MCF2L2: variants seen among roughly 807,000 people sequenced by gnomAD.
The protein encoded by MCF2L2 is MCF.2 cell line derived transforming sequence-like 2.
A neutral mutation model predicts 150.2 loss-of-function variants in MCF2L2; 102 were observed. The ratio of observed to expected loss-of-function variants is 0.68; its 90% CI spans 0.58 to 0.80. The LOEUF (loss-of-function observed/expected upper bound fraction) is 0.80, where lower values mean the gene tolerates loss of function less well. Among genes scored for constraint, MCF2L2 ranks in the 30% least tolerant of loss-of-function variants. The pLI is 0.00. For missense variants in MCF2L2, 1,256 were observed against 1,372.8 expected (o/e 0.91, Z 1.34); for synonymous variants, 465 against 491.3 (o/e 0.95, Z 0.71).
chr3:183,210,095 A>C (rs1722639615), intron 22 of MCF2L2, among the ~76,000 whole-genome samples: 2 of 152,214 alleles, frequency 1.3e-5, no homozygotes, highest in African/African-American at 4.8e-5. Flanking sequence ...ATAGAAAATA[A>C]CCGAGGGAAT....
At chr3:183,313,695 G>A (rs9858582) in intron 7 of MCF2L2, among the ~76,000 whole-genome samples, 3,469 of 152,222 alleles carry the variant, frequency 0.023, 124 homozygotes, top group African/African-American at 0.079. Flanking sequence ...TTTACTGCCC[G>A]CACTCAGGCT....
At chr3:183,337,596 G>A (rs902367906) in intron 5 of MCF2L2, among the ~76,000 whole-genome samples, 2 of 150,574 alleles carry the variant, frequency 1.3e-5, no homozygotes, top group African/African-American at 4.9e-5. Flanking sequence ...ACTATCAGCC[G>A]TTTCCATTGT....
intron 3 of MCF2L2, among the ~76,000 whole-genome samples, chr3:183,345,731 AG>A (rs1382709480): frequency 7.2e-5 from 11 of 152,220 alleles, no homozygotes; most frequent in African/African-American, 2.7e-4. Flanking sequence ...AAAGTGATAA[AG>A]GGGGTATCAC....
intron 5 of MCF2L2, among the ~76,000 whole-genome samples, chr3:183,334,512 G>T (rs189299512): frequency 6.6e-6 from 1 of 152,094 alleles, no homozygotes; most frequent in Non-Finnish European, 1.5e-5. Context: ...AAAGGGCCGG[G>T]CATGGTGACT....
chr3:183,205,649 G>A (rs1023514702), intron 25 of MCF2L2, among the ~76,000 whole-genome samples: 56 of 152,070 alleles, frequency 3.7e-4, no homozygotes, highest in Non-Finnish European at 7.1e-4. Flanking sequence ...GTGGTGGGGG[G>A]AACACAACCA....
Position 183,311,029 on chromosome 3 carries a change from C to A in MCF2L2, c.879G>T (p.Arg293Ser). 2 of 1,584,452 alleles carry A rather than the reference C, an allele frequency of 1.3e-6. No individual in the cohort carries two copies. The highest frequency in any genetic ancestry group is 2.2e-5 in the East Asian group (1 of 44,726). The change falls in exon 9 of 30, where the codon AGG becomes AGT. Residue 293 changes from arginine (R) to serine (S), a missense_variant and splice_region_variant. Transcript: ENST00000328913. ...CTGTTTCATCCAGTTGAACTAATAA[C>A]CTTTCAAGAAAGAATGAGAAAGTGA... Reference protein sequence around the residue: ...NQLENVTTMERLLVQLDETEK... With the variant: ...NQLENVTTMESLLVQLDETEK...
chr3:183,300,168 G>C lies in MCF2L2; in HGVS notation c.1142C>G (p.Ala381Gly), dbSNP rs1728765298. Residue 381 changes from alanine to glycine, a missense_variant, in exon 11 of 30, where the codon GCA becomes GGA. By Grantham distance (60) the Ala-to-Gly change is moderately conservative (BLOSUM62 0). Coordinates refer to ENST00000328913, the MANE Select transcript of MCF2L2 (RefSeq NM_015078.4). ...TTGGATGAGCTGGTCCCCAACCAGT[G>C]CCAGCAGCTGGGCCTTTTCCAGGGG... Reference protein sequence around the residue: ...QEPLEKAQLLALVGDQLIQSH... With the variant: ...QEPLEKAQLLGLVGDQLIQSH... 6.2e-7 allele frequency: 1 copy of C among 1,608,596 alleles called. No individual in the cohort carries two copies. Among genetic ancestry groups the C allele is most frequent in the Non-Finnish European group, 8.5e-7 (1 of 1,178,736 alleles).
chr3:183,367,228 T>C (rs1347929519), intron 3 of MCF2L2, among the ~76,000 whole-genome samples: 1 of 135,456 alleles, frequency 7.4e-6, no homozygotes, highest in East Asian at 2.3e-4. Flanking sequence ...TCTTTCTTTC[T>C]TTTTTTTTTT....
chr3:183,179,089 A>G lies in MCF2L2; in HGVS notation c.*291T>C. 8.7e-6 allele frequency: 3 copies of G among 343,602 alleles called. No individual in the cohort carries two copies. The highest frequency in any genetic ancestry group is 1.6e-5 in the Non-Finnish European group (3 of 191,958). The allele number at this position is 343,602 out of a possible 1,614,324, so 21.3% of individuals were successfully genotyped here. A position where few individuals can be genotyped will look rare whatever the true frequency, so the allele number is the denominator to read the frequency against. On this transcript the variant is annotated 3_prime_UTR_variant, in exon 30 of 30. Transcript: ENST00000328913. This position sits in a 1 kb window ranked among gnomAD's most constrained non-coding sequence, Gnocchi z 4.2. Reference sequence around the variant, plus strand: ...GGAGCACAGAGAAGCCCACGCAGCAAAGAATTGCCCGGCTCCGAATATCGA... The same window carrying G: ...GGAGCACAGAGAAGCCCACGCAGCAGAGAATTGCCCGGCTCCGAATATCGA...
Position 183,216,012 on chromosome 3 carries a change from G to C in MCF2L2, c.2453C>G (p.Ser818Cys), listed in dbSNP as rs1295472638. 6.2e-7 allele frequency: 1 copy of C among 1,613,942 alleles called. No individual in the cohort carries two copies. The highest frequency in any genetic ancestry group is 2.2e-5 in the East Asian group (1 of 44,852). ...ALAVIEDLIK[S>C]CELAVDLAAV... ...TGCTAGGTCCACAGCCAACTCACAG[G>C]ACTTGATCAAATCCTCTATCACTGC... The change falls in exon 22 of 30, where the codon TCC (serine) becomes TGC (cysteine). Residue 818 changes from serine (S) to cysteine (C), a missense_variant. Transcript: ENST00000328913.
Position 183,331,246 on chromosome 3 carries a change from C to T in MCF2L2, c.486+7554G>A, listed in dbSNP as rs115555067. On this transcript the variant is annotated intron_variant, in intron 5 of 29. Transcript: ENST00000328913. ...CTGCCTTGCTTTGCCTGCAGAACTC[C>T]AGTAAACGCTCTGTCCTAGACTTTC... Among the ~76,000 whole-genome samples, 1,282 of 152,306 alleles carry T rather than the reference C, an allele frequency of 8.4e-3. 20 individuals carry two copies. Among genetic ancestry groups the T allele is most frequent in the African/African-American group, 0.03 (1,244 of 41,556 alleles).
At chr3:183,307,548 T>C (rs1729156830) in intron 10 of MCF2L2, among the ~76,000 whole-genome samples, 1 of 152,246 alleles carries the variant, frequency 6.6e-6, no homozygotes, top group African/African-American at 2.4e-5. Flanking sequence ...GCTTCAAGAA[T>C]GTTGCCCACG....
At chr3:183,263,831 T>C (rs1206013630) in intron 15 of MCF2L2, among the ~76,000 whole-genome samples, 5 of 152,170 alleles carry the variant, frequency 3.3e-5, no homozygotes, top group Non-Finnish European at 7.3e-5. Context: ...ACTTCTCTTC[T>C]TCCTCCTTTA....
At chr3:183,285,993 C>T (rs1480940572) in intron 14 of MCF2L2, among the ~76,000 whole-genome samples, 1 of 152,246 alleles carries the variant, frequency 6.6e-6, no homozygotes, top group South Asian at 2.1e-4. Flanking sequence ...ACAAGCACAG[C>T]GAATCGCTTC....
intron 15 of MCF2L2, among the ~76,000 whole-genome samples, chr3:183,261,221 T>G (rs1052390371): frequency 6.6e-6 from 1 of 152,188 alleles, no homozygotes; most frequent in African/African-American, 2.4e-5. Context: ...AAATTATAGC[T>G]TTTCCAGTAA....
chr3:183,267,891 C>A lies in MCF2L2; in HGVS notation c.1862+8981G>T, dbSNP rs555326990. ...TTTGAGTAAACAGTGGCTCCACCCCCGGCATGGTTCTTTGCACCAACATTT... is the reference window on the plus strand; with the variant it reads ...TTTGAGTAAACAGTGGCTCCACCCCAGGCATGGTTCTTTGCACCAACATTT... On this transcript the variant is annotated intron_variant, in intron 15 of 29. Coordinates refer to ENST00000328913, the MANE Select transcript of MCF2L2 (RefSeq NM_015078.4). The surrounding 1 kb of genome is among the most constrained non-coding windows in gnomAD (Gnocchi z 5.5). 3.3e-5 allele frequency among the ~76,000 whole-genome samples: 5 copies of A among 152,320 alleles called. No individual in the cohort carries two copies. The highest frequency in any genetic ancestry group is 1.2e-4 in the African/African-American group (5 of 41,562).
chr3:183,331,365 A>G (rs1345739823), intron 5 of MCF2L2, among the ~76,000 whole-genome samples: 2 of 152,162 alleles, frequency 1.3e-5, no homozygotes, highest in South Asian at 4.1e-4. Flanking sequence ...ACATGTGGAT[A>G]TTATAAACTT....
chr3:183,351,226 A>T (rs368651708), intron 3 of MCF2L2, among the ~76,000 whole-genome samples: 42 of 89,770 alleles, frequency 4.7e-4, no homozygotes, highest in East Asian at 2.8e-3. Context: ...ATATATATAT[A>T]TATATATATA....
At chr3:183,278,210 ATT>A (rs1390231540) in intron 14 of MCF2L2, among the ~76,000 whole-genome samples, 11 of 146,888 alleles carry the variant, frequency 7.5e-5, no homozygotes, top group African/African-American at 2.9e-4. Context: ...ATATATATAT[ATT>A]TTTTATTATA....
Sources: allele counts gnomAD v4.1 joint callset (sites outside exome capture counted in the v4.1 genomes callset), GRCh38; gene constraint gnomAD v4.1.1; non-coding constraint Gnocchi (gnomAD v3.1); transcripts MANE v1.5; gene names NCBI Gene and HGNC (gene_info 2026-07-23, HGNC 2026-07-21).